KIF17: variants seen among roughly 807,000 people sequenced by gnomAD.
The protein encoded by KIF17 is kinesin-like protein KIF17.
Under a neutral mutation model 96.8 loss-of-function variants are expected in KIF17, and 80 were observed. That is an observed-to-expected ratio of 0.83 (90% confidence interval 0.69 to 1.00). The LOEUF (loss-of-function observed/expected upper bound fraction) is 1.00. Among genes scored for constraint, KIF17 ranks in the 50% least tolerant of loss-of-function variants. KIF17 has a pLI of 0.00. For missense variants in KIF17, 1,280 were observed against 1,372.9 expected (o/e 0.93, Z 1.07); for synonymous variants, 567 against 587.5 (o/e 0.97, Z 0.51).
chr1:20,690,169 G>C lies in KIF17; in HGVS notation c.1381+19C>G. 2 of 1,613,954 alleles carry C rather than the reference G, an allele frequency of 1.2e-6. No homozygotes were observed. Among genetic ancestry groups the C allele is most frequent in the Non-Finnish European group, 1.7e-6 (2 of 1,179,984 alleles). On this transcript the variant is annotated intron_variant, in intron 7 of 14. Transcript: ENST00000400463. ...GCCACCTTCCCTGGAGACAGCCTCG[G>C]GGGGCAAGGGGTGCCCACCTGTCTC...
chr1:20,687,739 G>C lies in KIF17; in HGVS notation c.1587C>G (p.Pro529=). 1.2e-6 allele frequency: 2 copies of C among 1,614,198 alleles called. No individual in the cohort carries two copies. Residue 529 remains proline, a synonymous_variant, in exon 8 of 15, where the codon CCC becomes CCG. Coordinates refer to ENST00000400463, the MANE Select transcript of KIF17 (RefSeq NM_001122819.3). The surrounding 1 kb of genome is among the most constrained non-coding windows in gnomAD (Gnocchi z 4.4). Reference sequence around the variant, plus strand: ...AGCCCAGAGAAATCTCAGATTTGGAGGGTTCCACCTTGGGCAGCTCCGCAA... The same window carrying C: ...AGCCCAGAGAAATCTCAGATTTGGACGGTTCCACCTTGGGCAGCTCCGCAA... The part of the protein sequence containing the change: ...SRFAELPKVE[P]SKSEISLGSS...
At chr1:20,707,422 A>G (rs1261617119) in intron 4 of KIF17, among the ~76,000 whole-genome samples, 1 of 152,046 alleles carries the variant, frequency 6.6e-6, no homozygotes, top group Non-Finnish European at 1.5e-5. Context: ...GAACCAGGGG[A>G]AACCTACATG....
Position 20,700,548 on chromosome 1 carries a change from A to G in KIF17, c.1124-2060T>C, listed in dbSNP as rs2054216147. ...GCAGATTTGGGGGCCCATCGAGTTG[A>G]CAGTGGGATATGTTGGGTTTGAAAT... On this transcript the variant is annotated intron_variant, in intron 5 of 14. Transcript: ENST00000400463. The surrounding 1 kb of genome is among the most constrained non-coding windows in gnomAD (Gnocchi z 4.6). 6.6e-6 allele frequency among the ~76,000 whole-genome samples: 1 copy of G among 152,182 alleles called. No homozygotes were observed. The highest frequency in any genetic ancestry group is 2.1e-4 in the South Asian group (1 of 4,832).
At chr1:20,670,541 A>T (rs1015141512) in intron 12 of KIF17, 53 bp from the exon 13 acceptor site, 1 of 1,549,852 alleles carries the variant, frequency 6.5e-7, no homozygotes, top group East Asian at 2.2e-5. Context: ...CAAGGCCTAG[A>T]GGAGGGCACA....
At chr1:20,715,428 TG>T in intron 2 of KIF17, 64 bp downstream of exon 2, 1 of 1,595,064 alleles carries the variant, frequency 6.3e-7, no homozygotes, top group Non-Finnish European at 8.5e-7. Context: ...CTCTGCCACC[TG>T]TCAGAAGTGC....
At chr1:20,675,150 C>CAA (rs35262169) in intron 11 of KIF17, among the ~76,000 whole-genome samples, 2 of 115,822 alleles carry the variant, frequency 1.7e-5, no homozygotes, top group African/African-American at 3.2e-5. Context: ...GACTCCATCT[C>CAA]AAAAAAAAAA....
At chr1:20,714,284 G>T (rs1388101508) in intron 2 of KIF17, among the ~76,000 whole-genome samples, 1 of 151,492 alleles carries the variant, frequency 6.6e-6, no homozygotes, top group Non-Finnish European at 1.5e-5. Flanking sequence ...CTGAGATCAC[G>T]CCACTGCACT....
intron 2 of KIF17, among the ~76,000 whole-genome samples, chr1:20,714,188 A>G (rs1024437129): frequency 6.6e-6 from 1 of 152,164 alleles, no homozygotes; most frequent in South Asian, 2.1e-4. Context: ...TTAGCCAGGC[A>G]TGGTGGTGGG....
intron 13 of KIF17, 89 bp from the exon 14 acceptor site, chr1:20,666,420 G>C: frequency 9.3e-7 from 1 of 1,071,908 alleles, no homozygotes; most frequent in Non-Finnish European, 1.4e-6. Context: ...GGGGCAGTGG[G>C]GGCCGCCCCG....
intron 6 of KIF17, among the ~76,000 whole-genome samples, chr1:20,694,778 G>C (rs1019101347): frequency 3.3e-5 from 5 of 152,180 alleles, no homozygotes; most frequent in African/African-American, 1.2e-4. Context: ...GGCCCAGGGA[G>C]GTTCCATGAC....
chr1:20,711,360 C>A (rs1226608546), intron 3 of KIF17, among the ~76,000 whole-genome samples: 1 of 152,168 alleles, frequency 6.6e-6, no homozygotes, highest in Non-Finnish European at 1.5e-5. Flanking sequence ...GGGTCCCCCT[C>A]CACCGCGCTC....
At chr1:20,678,045 C>A (rs2053768768) in intron 11 of KIF17, among the ~76,000 whole-genome samples, 1 of 152,164 alleles carries the variant, frequency 6.6e-6, no homozygotes, top group South Asian at 2.1e-4. Context: ...TAAAGACATA[C>A]CCGACACTGG....
At chr1:20,668,597 G>C (rs531941177) in intron 13 of KIF17, among the ~76,000 whole-genome samples, 1 of 152,228 alleles carries the variant, frequency 6.6e-6, no homozygotes, top group East Asian at 1.9e-4. Context: ...GAGTTGCTCA[G>C]CCAGAGATGT....
At chr1:20,681,508 T>C (rs1200576710) in intron 11 of KIF17, among the ~76,000 whole-genome samples, 1 of 151,876 alleles carries the variant, frequency 6.6e-6, no homozygotes, top group Non-Finnish European at 1.5e-5. Context: ...GGCAAAGTTT[T>C]ATGCTTGGCA....
chr1:20,708,848 T>C (rs1455611687), intron 4 of KIF17, among the ~76,000 whole-genome samples: 1 of 152,172 alleles, frequency 6.6e-6, no homozygotes, highest in Non-Finnish European at 1.5e-5. Flanking sequence ...TCCTCTTTGC[T>C]TTCTCGGCAG....
intron 11 of KIF17, among the ~76,000 whole-genome samples, chr1:20,680,396 C>G (rs1245411093): frequency 6.6e-6 from 1 of 152,160 alleles, no homozygotes; most frequent in East Asian, 1.9e-4. Context: ...CACAAGCTCA[C>G]AGAACCAAGC....
At chr1:20,703,591 G>C (rs1362312626) in intron 5 of KIF17, among the ~76,000 whole-genome samples, 2 of 151,892 alleles carry the variant, frequency 1.3e-5, no homozygotes, top group Non-Finnish European at 2.9e-5. Flanking sequence ...TAAGTAATGG[G>C]GTGGGTGGGA....
chr1:20,704,663 T>C lies in KIF17; in HGVS notation c.907A>G (p.Asn303Asp), dbSNP rs1159074768. The C allele has an allele frequency of 6.2e-7, 1 of 1,614,120 alleles. No individual in the cohort carries two copies. Among genetic ancestry groups the C allele is most frequent in the East Asian group, 2.2e-5 (1 of 44,878 alleles). The change falls in exon 5 of 15, where the codon AAC becomes GAC. Residue 303 changes from asparagine to aspartate, a missense_variant. Physicochemically the swap from Asn to Asp is conservative, Grantham distance 23. Transcript: ENST00000400463. This position sits in a 1 kb window ranked among gnomAD's most constrained non-coding sequence, Gnocchi z 6.8. The part of the protein sequence containing the change: ...TRLLQDSLGG[N>D]TKTLMVACLS... ...CAGGCCACCATGAGCGTCTTGGTGT[T>C]GCCGCCCAGTGAGTCCTGCAGCAGC...
Position 20,687,394 on chromosome 1 carries a change from A to G in KIF17, c.1932T>C (p.Pro644=), listed in dbSNP as rs2154536087. Residue 644 remains proline, a synonymous_variant, in exon 8 of 15, where the codon CCT becomes CCC. Coordinates refer to ENST00000400463, the MANE Select transcript of KIF17 (RefSeq NM_001122819.3). This position sits in a 1 kb window ranked among gnomAD's most constrained non-coding sequence, Gnocchi z 4.4. The stretch of plus-strand genomic sequence containing the variant: ...CATGCGTGACATCAGCTACCTGCAC[A>G]GGGACCTTGGGGACGTCTGCCTGGG... ...DAPQADVPKV[P]VQVPAPTDLL... 1 of 1,613,120 alleles carries G rather than the reference A, an allele frequency of 6.2e-7. No homozygotes were observed. The highest frequency in any genetic ancestry group is 8.5e-7 in the Non-Finnish European group (1 of 1,180,008).
Sources: allele counts gnomAD v4.1 joint callset (sites outside exome capture counted in the v4.1 genomes callset), GRCh38; gene constraint gnomAD v4.1.1; non-coding constraint Gnocchi (gnomAD v3.1); transcripts MANE v1.5; gene names NCBI Gene and HGNC (gene_info 2026-07-23, HGNC 2026-07-21).